Variants in CTNNA3 observed in about 807,000 individuals in gnomAD.
CTNNA3 encodes catenin alpha-3.
CTNNA3 carries 76 observed loss-of-function variants against 95.7 expected under a neutral mutation model. The observed-to-expected ratio is 0.79, with a 90% CI of 0.66 to 0.96. CTNNA3 has a LOEUF of 0.96. CTNNA3 is among the 40% of genes least tolerant of loss of function. The pLI, the probability that CTNNA3 is intolerant of heterozygous loss-of-function variation, is 0.00. For synonymous variants in CTNNA3, 431 were observed against 374.4 expected (o/e 1.15, Z -1.74); for missense variants, 1,191 against 1,089.8 (o/e 1.09, Z -1.31).
intron 7 of CTNNA3, among the ~76,000 whole-genome samples, chr10:66,809,037 A>G (rs941337345): frequency 6.6e-6 from 1 of 152,156 alleles, no homozygotes; most frequent in Non-Finnish European, 1.5e-5. Context: ...CTCCACGACT[A>G]TGTATTATAT....
intron 5 of CTNNA3, among the ~76,000 whole-genome samples, chr10:67,301,272 A>G (rs906986189): frequency 7.9e-5 from 12 of 152,150 alleles, no homozygotes; most frequent in Admixed American, 6.5e-4. Flanking sequence ...GGACTCCACA[A>G]TCTTTACAAT....
intron 11 of CTNNA3, among the ~76,000 whole-genome samples, chr10:66,440,641 CT>C (rs1195032016): frequency 6.6e-6 from 1 of 152,070 alleles, no homozygotes; most frequent in Non-Finnish European, 1.5e-5. Flanking sequence ...CTTCACTATT[CT>C]TGTTTGAAAC....
intron 15 of CTNNA3, among the ~76,000 whole-genome samples, chr10:66,009,878 C>T (rs529967779): frequency 6.6e-6 from 1 of 152,198 alleles, no homozygotes; most frequent in Non-Finnish European, 1.5e-5. Flanking sequence ...TTACATATCA[C>T]AGTTCTTCCA....
chr10:67,609,445 T>C lies in CTNNA3; in HGVS notation c.100-2396A>G, dbSNP rs566908001. Among the ~76,000 whole-genome samples the C allele has an allele frequency of 1.1e-3, 174 of 151,442 alleles. 1 individual carries two copies. Among genetic ancestry groups the C allele is most frequent in the Non-Finnish European group, 2.1e-3 (140 of 67,868 alleles). ...GATATCTGGACCCAGTTTTTATCCATGAACTAAAAAAAAAACTTAAGAAGT... is the reference window on the plus strand; with the variant it reads ...GATATCTGGACCCAGTTTTTATCCACGAACTAAAAAAAAAACTTAAGAAGT... On this transcript the variant is annotated intron_variant, in intron 2 of 17. Transcript: ENST00000433211.
intron 1 of CTNNA3, among the ~76,000 whole-genome samples, chr10:67,749,553 G>A (rs1451738410): frequency 3.9e-5 from 6 of 152,106 alleles, no homozygotes; most frequent in South Asian, 2.1e-4. Context: ...AACCTGCTCC[G>A]AATGACTCCT....
Position 66,851,857 on chromosome 10 carries a change from C to T in CTNNA3, c.1048-76333G>A, listed in dbSNP as rs139563461. On this transcript the variant is annotated intron_variant, in intron 7 of 17. Coordinates refer to ENST00000433211, the MANE Select transcript of CTNNA3 (RefSeq NM_013266.4). The stretch of plus-strand genomic sequence containing the variant: ...GTTATTTTTTATAGCAGTGCAAGAA[C>T]GTACTAATACACCAATTAATGAGTG... Among the ~76,000 whole-genome samples, 617 of 152,212 alleles carry T rather than the reference C, an allele frequency of 4.1e-3. 7 individuals are homozygous for T. The highest frequency in any genetic ancestry group is 0.014 in the African/African-American group (596 of 41,526).
chr10:66,413,704 T>C (rs1301449759), intron 11 of CTNNA3, among the ~76,000 whole-genome samples: 1 of 152,192 alleles, frequency 6.6e-6, no homozygotes, highest in Non-Finnish European at 1.5e-5. Context: ...CCTTAGAAGA[T>C]TAAACAGCCA....
At chr10:67,513,946 T>A (rs1319052221) in intron 5 of CTNNA3, among the ~76,000 whole-genome samples, 1 of 152,214 alleles carries the variant, frequency 6.6e-6, no homozygotes, top group East Asian at 1.9e-4. Flanking sequence ...CCAACTCTTG[T>A]CATTAGCAAA....
chr10:66,827,476 C>A (rs920320989), intron 7 of CTNNA3, among the ~76,000 whole-genome samples: 9 of 152,158 alleles, frequency 5.9e-5, no homozygotes, highest in Admixed American at 2.0e-4. Context: ...TCCCTTTATA[C>A]CCAGCACATA....
At chr10:67,430,357 C>T (rs1449132794) in intron 5 of CTNNA3, among the ~76,000 whole-genome samples, 2 of 151,842 alleles carry the variant, frequency 1.3e-5, no homozygotes, top group African/African-American at 4.8e-5. Context: ...CTTCAACTCC[C>T]CTAGTGTCCA....
intron 11 of CTNNA3, among the ~76,000 whole-genome samples, chr10:66,504,128 G>T (rs998435957): frequency 6.6e-6 from 1 of 152,048 alleles, no homozygotes; most frequent in Non-Finnish European, 1.5e-5. Flanking sequence ...TAGTCAGCTT[G>T]TTGTATAATA....
intron 7 of CTNNA3, among the ~76,000 whole-genome samples, chr10:67,038,832 A>C (rs987493507): frequency 6.6e-6 from 1 of 152,066 alleles, no homozygotes; most frequent in African/African-American, 2.4e-5. Context: ...AATGCATAAA[A>C]TGAAAACATC....
At chr10:66,386,175 T>C (rs1171894182) in intron 11 of CTNNA3, among the ~76,000 whole-genome samples, 1 of 152,226 alleles carries the variant, frequency 6.6e-6, no homozygotes, top group East Asian at 1.9e-4. Flanking sequence ...GCATATGAGA[T>C]GATTGTACTT....
chr10:66,890,006 G>A (rs558580606), intron 7 of CTNNA3, among the ~76,000 whole-genome samples: 9 of 152,076 alleles, frequency 5.9e-5, no homozygotes, highest in Non-Finnish European at 1.3e-4. Context: ...GGCTAGGCTG[G>A]TCTTGAACTC....
chr10:66,339,127 T>C (rs2092426986), intron 12 of CTNNA3, among the ~76,000 whole-genome samples: 1 of 151,838 alleles, frequency 6.6e-6, no homozygotes, highest in Admixed American at 6.6e-5. Context: ...GAATTAAATG[T>C]AGCTAACACA....
intron 7 of CTNNA3, among the ~76,000 whole-genome samples, chr10:67,041,725 C>T (rs1854405665): frequency 6.6e-6 from 1 of 152,036 alleles, no homozygotes; most frequent in Non-Finnish European, 1.5e-5. Context: ...GAGTTCTTAC[C>T]ATGAGCTAGG....
At chr10:66,533,864 A>C (rs979440175) in intron 10 of CTNNA3, among the ~76,000 whole-genome samples, 3 of 152,154 alleles carry the variant, frequency 2.0e-5, no homozygotes, top group Non-Finnish European at 4.4e-5. Flanking sequence ...TGAGGACAGG[A>C]GTTCAAGACC....
At chr10:66,900,382 G>A (rs1845688797) in intron 7 of CTNNA3, among the ~76,000 whole-genome samples, 1 of 152,114 alleles carries the variant, frequency 6.6e-6, no homozygotes, top group Non-Finnish European at 1.5e-5. Flanking sequence ...CAATGTCAAA[G>A]ACCAAAGGTA....
intron 11 of CTNNA3, among the ~76,000 whole-genome samples, chr10:66,462,733 T>C (rs2093538176): frequency 6.6e-6 from 1 of 152,238 alleles, no homozygotes; most frequent in Admixed American, 6.5e-5. Context: ...ATACTAATAG[T>C]ATATTTCATT....
Sources: allele counts gnomAD v4.1 joint callset (sites outside exome capture counted in the v4.1 genomes callset), GRCh38; gene constraint gnomAD v4.1.1; transcripts MANE v1.5; gene names NCBI Gene and HGNC (gene_info 2026-07-23, HGNC 2026-07-21).